Variants in SCN1B observed in about 807,000 individuals in gnomAD.
The protein encoded by SCN1B is sodium voltage-gated channel beta subunit 1, also known as sodium channel regulatory subunit beta-1.
In SCN1B, 11 loss-of-function variants were observed where a neutral mutation model predicts 25.7. The ratio of observed to expected loss-of-function variants is 0.43; its 90% confidence interval spans 0.27 to 0.71. The LOEUF (loss-of-function observed/expected upper bound fraction) is 0.71. SCN1B is among the 30% of genes least tolerant of loss of function. The pLI is 0.21. For missense variants in SCN1B, 224 were observed against 291.5 expected (o/e 0.77, Z 1.69); for synonymous variants, 119 against 117.5 (o/e 1.01, Z -0.08).
At chr19:35,034,310 G>A (rs2064235334) in intron 3 of SCN1B, 3 of 793,364 alleles carry the variant, frequency 3.8e-6, no homozygotes, top group East Asian at 2.8e-5. Context: ...GGGGAGCCGC[G>A]CTGGCCTGCA....
chr19:35,039,083 G>C, intron 3 of SCN1B, 34 bp from the exon 4 acceptor site: 3 of 1,613,628 alleles, frequency 1.9e-6, no homozygotes, highest in Non-Finnish European at 2.5e-6. Flanking sequence ...CATGCAGCCT[G>C]GGCTACCCCC....
chr19:35,038,696 A>G, intron 3 of SCN1B: 2 of 288,570 alleles, frequency 6.9e-6, no homozygotes, highest in South Asian at 6.9e-5. Flanking sequence ...TTATAGATCA[A>G]GCACTATTCT....
intron 1 of SCN1B, 97 bp downstream of exon 1, chr19:35,030,957 G>A: frequency 4.9e-6 from 1 of 205,460 alleles, no homozygotes; most frequent in Non-Finnish European, 9.5e-6. Flanking sequence ...CCGCGCGAGG[G>A]CCACCCCCGG....
intron 3 of SCN1B, chr19:35,034,413 T>A: frequency 2.4e-6 from 1 of 413,802 alleles, no homozygotes. Context: ...GCCCACCCTC[T>A]GAGCAGCAAG....
In SCN1B at chr19:35,033,866, C is replaced by T. The variant is rs770344365; in HGVS notation, c.448+127C>T. On this transcript the variant is annotated intron_variant, in intron 3 of 5. Transcript: ENST00000262631. ...CCAGCCAACCGCCCACAGCAGCGGG[C>T]TGAGGGGGAGGGGAGCAGCCCCTCC... The T allele has an allele frequency of 3.9e-5, 63 of 1,608,858 alleles. No individual in the cohort carries two copies. The highest frequency in any genetic ancestry group is 4.9e-5 in the Non-Finnish European group (58 of 1,177,154).
chr19:35,032,488 A>G lies in SCN1B; in HGVS notation c.41-40A>G, dbSNP rs376338621. On this transcript the variant is annotated intron_variant, in intron 1 of 5. Coordinates refer to ENST00000262631, the MANE Select transcript of SCN1B (RefSeq NM_001037.5). This position sits in a 1 kb window ranked among gnomAD's most constrained non-coding sequence, Gnocchi z 4.3. ...GAGGGGTCTGGCATTGCTTAGGGCA[A>G]TGGGTGCCTCTGCCTGACCTGAGCC... 2 of 1,610,248 alleles carry G rather than the reference A, an allele frequency of 1.2e-6. No homozygotes were observed. The highest frequency in any genetic ancestry group is 1.3e-5 in the African/African-American group (1 of 74,906).
At chr19:35,031,161 G>A (rs556328820) in intron 1 of SCN1B, 1 of 144,956 alleles carries the variant, frequency 6.9e-6, no homozygotes, top group East Asian at 2.2e-4. Context: ...GCTGCAATGT[G>A]ACACCCACAG....
Position 35,039,780 on chromosome 19 carries a change from C to G in SCN1B, c.*6-17C>G. 2.1e-6 allele frequency: 3 copies of G among 1,460,222 alleles called. No homozygotes were observed. The highest frequency in any genetic ancestry group is 1.9e-6 in the Non-Finnish European group (2 of 1,050,248). 90.5% of individuals were successfully genotyped at this position (1,460,222 alleles called of 1,614,324 possible). On this transcript the variant is annotated splice_polypyrimidine_tract_variant and intron_variant, in intron 5 of 5. Transcript: ENST00000262631. ...GTCCCCCAGGTCCCTAATTCCCCCTCTCTTGCTCCCCTTCAGGCCCTGGGC... is the reference window on the plus strand; with the variant it reads ...GTCCCCCAGGTCCCTAATTCCCCCTGTCTTGCTCCCCTTCAGGCCCTGGGC...
intron 3 of SCN1B, chr19:35,034,073 G>T (rs766204907): frequency 6.4e-7 from 1 of 1,551,584 alleles, no homozygotes; most frequent in Non-Finnish European, 8.7e-7. Context: ...ATAATAATCC[G>T]ATGTGTTTCT....
rs746930325 is a variant in SCN1B at position 35,032,353 on chromosome 19, T to G, written c.41-175T>G. Among the ~76,000 whole-genome samples the G allele has an allele frequency of 2.6e-5, 4 of 152,224 alleles. No homozygotes were observed. The highest frequency in any genetic ancestry group is 2.6e-4 in the Admixed American group (4 of 15,290). ...TTCTTTCAACAAGAGAGAGGGAAAC[T>G]GAGACTCAGGGATGAATGACTTGCT... is the stretch of plus-strand genomic sequence containing the variant. On this transcript the variant is annotated intron_variant, in intron 1 of 5. Transcript: ENST00000262631. This position sits in a 1 kb window ranked among gnomAD's most constrained non-coding sequence, Gnocchi z 4.3.
chr19:35,033,456 GAGGCCC>G, intron 2 of SCN1B, 37 bp from the exon 3 acceptor site: 1 of 1,612,052 alleles, frequency 6.2e-7, no homozygotes, highest in South Asian at 1.1e-5. Context: ...TAAGGGAAGA[GAGGCCC>G]AGGCAGTGAC....
Position 35,039,713 on chromosome 19 carries a change from C to T in SCN1B, c.*5+7C>T, listed in dbSNP as rs28365106. 1,760 of 1,613,876 alleles carry T rather than the reference C, an allele frequency of 1.1e-3. 3 individuals carry two copies. The highest frequency in any genetic ancestry group is 1.3e-3 in the Non-Finnish European group (1,591 of 1,179,768). ...AGGTGGCCGAATAGCCCTGGTAAGG[C>T]GGATGGGCTGGCAGAGGGGAAGGGG... is the stretch of plus-strand genomic sequence containing the variant. On this transcript the variant is annotated splice_region_variant and intron_variant, in intron 5 of 5. Coordinates refer to ENST00000262631, the MANE Select transcript of SCN1B (RefSeq NM_001037.5).
intron 3 of SCN1B, 72 bp from the exon 4 acceptor site, chr19:35,039,045 C>G (rs532998977): frequency 1.3e-6 from 2 of 1,572,124 alleles, no homozygotes; most frequent in East Asian, 4.5e-5. Context: ...CAAGCTCACA[C>G]AGCAAGCTCA....
At position 35,030,755 on chromosome 19, in the gene SCN1B, G is replaced by A; in HGVS notation, c.-66G>A. ...GACATTCTAACCGCCGCCAGGTCCC[G>A]CCGCCTCTCGCCCCGCTATTAATAC... On this transcript the variant is annotated 5_prime_UTR_variant, in exon 1 of 6. Transcript: ENST00000262631. The A allele has an allele frequency of 1.5e-5, 8 of 516,922 alleles. No homozygotes were observed. Among genetic ancestry groups the A allele is most frequent in the East Asian group, 7.5e-5 (1 of 13,308 alleles). The allele number at this position is 516,922 out of a possible 1,614,324, so 32.0% of individuals were successfully genotyped here.
rs2064277526 is a variant in SCN1B, at chr19:35,040,064, G to A, written c.*273G>A. The A allele has an allele frequency of 9.1e-6, 3 of 328,490 alleles. No individual in the cohort carries two copies. Among genetic ancestry groups the A allele is most frequent in the Non-Finnish European group, 1.8e-5 (3 of 170,426 alleles). The allele number at this position is 328,490 out of a possible 1,614,324, so 20.3% of individuals were successfully genotyped here. On this transcript the variant is annotated 3_prime_UTR_variant, in exon 6 of 6. Coordinates refer to ENST00000262631, the MANE Select transcript of SCN1B (RefSeq NM_001037.5). ...CACCCTGCTTCTGCTGCCTGTTTGG[G>A]GAGGGGGGCGGTGAGGTGGGGGCAG...
chr19:35,032,455 T>G lies in SCN1B; in HGVS notation c.41-73T>G. Reference sequence around the variant, plus strand: ...TGGTAATCATTGAGGGGGGAACAGATGGTTTGTGAGGGGTCTGGCATTGCT... The same window carrying G: ...TGGTAATCATTGAGGGGGGAACAGAGGGTTTGTGAGGGGTCTGGCATTGCT... On this transcript the variant is annotated intron_variant, in intron 1 of 5. Transcript: ENST00000262631. This position sits in a 1 kb window ranked among gnomAD's most constrained non-coding sequence, Gnocchi z 4.3. The G allele has an allele frequency of 6.4e-7, 1 of 1,554,294 alleles. No individual in the cohort carries two copies. Among genetic ancestry groups the G allele is most frequent in the South Asian group, 1.1e-5 (1 of 89,532 alleles).
In SCN1B at chr19:35,030,802, C is replaced by A; in HGVS notation, c.-19C>A. The A allele has an allele frequency of 1.9e-6, 2 of 1,049,326 alleles. No individual in the cohort carries two copies. Among genetic ancestry groups the A allele is most frequent in the Non-Finnish European group, 2.4e-6 (2 of 820,196 alleles). The allele number at this position is 1,049,326 out of a possible 1,614,324, so 65.0% of individuals were successfully genotyped here. A position where few individuals can be genotyped will look rare whatever the true frequency, so the allele number is the denominator to read the frequency against. On this transcript the variant is annotated 5_prime_UTR_variant, in exon 1 of 6. Coordinates refer to ENST00000262631, the MANE Select transcript of SCN1B (RefSeq NM_001037.5). ...ATACCGGCGGCCCGGGAGGGGGGCG[C>A]AGCACGCGCCGCGCAGCCATGGGGA...
chr19:35,031,393 CTG>C (rs1445680771), intron 1 of SCN1B: 1 of 148,372 alleles, frequency 6.7e-6, no homozygotes, highest in East Asian at 2.0e-4. Flanking sequence ...AGTTAAGAGA[CTG>C]AGCGCGATGG....
At position 35,030,538 on chromosome 19, in the gene SCN1B, T is replaced by TAGCGGATGTGCCCGGCTGCGCGCGCC. The variant is rs1488678712; in HGVS notation, c.-278_-253dup. The stretch of plus-strand genomic sequence containing the variant: ...GGAGCGGGACCGGGGTCGGTGCACC[T>TAGCGGATGTGCCCGGCTGCGCGCGCC]AGCGGATGTGCCCGGCTGCGCGCGC... On this transcript the variant is annotated 5_prime_UTR_variant, in exon 1 of 6. The change creates a new upstream start codon in the 5' untranslated region. Transcript: ENST00000262631. 1.3e-5 allele frequency: 2 copies of TAGCGGATGTGCCCGGCTGCGCGCGCC among 151,198 alleles called. No individual in the cohort carries two copies. Among genetic ancestry groups the TAGCGGATGTGCCCGGCTGCGCGCGCC allele is most frequent in the Admixed American group, 6.7e-5 (1 of 14,974 alleles). 9.4% of individuals were successfully genotyped at this position (151,198 alleles called of 1,614,324 possible). A position where few individuals can be genotyped will look rare whatever the true frequency, so the allele number is the denominator to read the frequency against.
Sources: allele counts gnomAD v4.1 joint callset (sites outside exome capture counted in the v4.1 genomes callset), GRCh38; gene constraint gnomAD v4.1.1; non-coding constraint Gnocchi (gnomAD v3.1); transcripts MANE v1.5; gene names NCBI Gene and HGNC (gene_info 2026-07-23, HGNC 2026-07-21).